Variants in PCDHGA7 observed in about 807,000 individuals in gnomAD.
The protein encoded by PCDHGA7 is protocadherin gamma-A7.
A neutral mutation model predicts 58.3 loss-of-function variants in PCDHGA7; 44 were observed. That is an observed-to-expected ratio of 0.75 (90% CI 0.59 to 0.97). The LOEUF (loss-of-function observed/expected upper bound fraction) is 0.97. Ranked by LOEUF, PCDHGA7 falls within the 50% of genes least tolerant of loss-of-function variation. The probability of loss-of-function intolerance (pLI) is 0.00; values close to 1 mark genes in which losing one functional copy is unlikely to be tolerated. For synonymous variants in PCDHGA7, 516 were observed against 504.2 expected (o/e 1.02, Z -0.31); for missense variants, 1,266 against 1,188.7 (o/e 1.06, Z -0.96).
chr5:141,404,705 G>A, intron 1 of PCDHGA7: 2 of 1,614,108 alleles, frequency 1.2e-6, no homozygotes, highest in South Asian at 2.2e-5. Flanking sequence ...TGCAGAGCCT[G>A]GCTACCTGGT....
chr5:141,399,991 G>A (rs1226741326), intron 1 of PCDHGA7: 1 of 1,612,422 alleles, frequency 6.2e-7, no homozygotes. Context: ...CACAGGAGAG[G>A]TGCGCACAGC....
At chr5:141,467,099 C>T (rs2099136810) in intron 1 of PCDHGA7, among the ~76,000 whole-genome samples, 1 of 149,976 alleles carries the variant, frequency 6.7e-6, no homozygotes, top group Admixed American at 6.7e-5. Context: ...GTCACACAGG[C>T]TGGAGTACAA....
Position 141,383,223 on chromosome 5 carries a change from C to T in PCDHGA7, c.324C>T (p.Ile108=), listed in dbSNP as rs76873890. The T allele has an allele frequency of 1.7e-3, 2,674 of 1,613,922 alleles. 41 individuals are homozygous for T. In the African/African-American group the frequency reaches 0.031, roughly 19 times the overall value. Reference sequence around the variant, plus strand: ...CGCGGTGTCTGGTAAACTTTAACATCCTGATGGAAGATAAAATGAATCTTT... The same window carrying T: ...CGCGGTGTCTGGTAAACTTTAACATTCTGATGGAAGATAAAATGAATCTTT... ...QSARCLVNFN[I]LMEDKMNLYP... is the part of the protein sequence containing the mutation. The change falls in exon 1 of 4, where the codon ATC becomes ATT. Residue 108 remains isoleucine, a synonymous_variant. Transcript: ENST00000518325.
Position 141,486,177 on chromosome 5 carries a change from G to A in PCDHGA7, c.2425-8630G>A. The A allele has an allele frequency of 6.2e-7, 1 of 1,614,222 alleles. No individual in the cohort carries two copies. Among genetic ancestry groups the A allele is most frequent in the Non-Finnish European group, 8.5e-7 (1 of 1,180,042 alleles). ...TCTCCAGCCATGGAGCAACATTGCA[G>A]CCTTCGAGTGGATCTGCTGGACGTA... On this transcript the variant is annotated intron_variant, in intron 1 of 3. Coordinates refer to ENST00000518325, the MANE Select transcript of PCDHGA7 (RefSeq NM_018920.4). The surrounding 1 kb of genome is among the most constrained non-coding windows in gnomAD (Gnocchi z 5.0).
chr5:141,388,469 A>G, intron 1 of PCDHGA7: 11 of 1,613,858 alleles, frequency 6.8e-6, no homozygotes, highest in Non-Finnish European at 8.5e-6. Context: ...CTGAGATGGT[A>G]TTGAAGACAC....
intron 1 of PCDHGA7, among the ~76,000 whole-genome samples, chr5:141,468,791 G>A (rs941787269): frequency 2.6e-5 from 4 of 151,954 alleles, no homozygotes; most frequent in East Asian, 3.9e-4. Context: ...GCGTGAACCC[G>A]GGAGGCGGAA....
intron 1 of PCDHGA7, chr5:141,423,465 G>T: frequency 6.2e-7 from 1 of 1,614,006 alleles, no homozygotes; most frequent in South Asian, 1.1e-5. Context: ...GCGTGGACGG[G>T]GTACAGGCTT....
chr5:141,400,743 C>G (rs1404866842), intron 1 of PCDHGA7: 1 of 611,332 alleles, frequency 1.6e-6, no homozygotes, highest in Non-Finnish European at 2.8e-6. Flanking sequence ...AGAGTTTGCT[C>G]TTAGCTTCCT....
chr5:141,393,851 A>T (rs758721118), intron 1 of PCDHGA7: 2 of 1,613,988 alleles, frequency 1.2e-6, no homozygotes, highest in Non-Finnish European at 1.7e-6. Context: ...ATAGACCAGA[A>T]GTGATCATTA....
intron 1 of PCDHGA7, chr5:141,388,709 C>T (rs370023698): frequency 1.9e-6 from 3 of 1,613,820 alleles, no homozygotes; most frequent in Admixed American, 3.3e-5. Context: ...GTGTCAATGC[C>T]GAGATTACTT....
intron 1 of PCDHGA7, among the ~76,000 whole-genome samples, chr5:141,469,340 G>A (rs1412181099): frequency 6.6e-6 from 1 of 152,138 alleles, no homozygotes; most frequent in Non-Finnish European, 1.5e-5. Context: ...ACTTTGGGAG[G>A]CTGAGGTGGA....
At chr5:141,495,270 G>A (rs1428903664) in intron 2 of PCDHGA7, among the ~76,000 whole-genome samples, 1 of 152,178 alleles carries the variant, frequency 6.6e-6, no homozygotes, top group African/African-American at 2.4e-5. Context: ...GCATTTGACC[G>A]GAGGAGGCGG....
intron 1 of PCDHGA7, chr5:141,414,115 G>A: frequency 6.3e-7 from 1 of 1,591,952 alleles, no homozygotes; most frequent in Middle Eastern, 1.7e-4. Flanking sequence ...TCTAGATTAT[G>A]AAGAAACCGG....
Position 141,477,779 on chromosome 5 carries a change from A to G in PCDHGA7, c.2425-17028A>G, listed in dbSNP as rs781567883. ...CCTAGCCACCAACATCAGCGTGAAC[A>G]TATTTGTCACTGATCGCAATGACAA... On this transcript the variant is annotated intron_variant, in intron 1 of 3. Coordinates refer to ENST00000518325, the MANE Select transcript of PCDHGA7 (RefSeq NM_018920.4). This position sits in a 1 kb window ranked among gnomAD's most constrained non-coding sequence, Gnocchi z 4.9. 5.6e-6 allele frequency: 9 copies of G among 1,613,894 alleles called. No homozygotes were observed. Among genetic ancestry groups the G allele is most frequent in the South Asian group, 5.5e-5 (5 of 91,084 alleles).
In PCDHGA7 at chr5:141,383,319, A is replaced by T; in HGVS notation, c.420A>T (p.Val140=). 2 of 1,614,020 alleles carry T rather than the reference A, an allele frequency of 1.2e-6. No individual in the cohort carries two copies. Among genetic ancestry groups the T allele is most frequent in the Non-Finnish European group, 1.7e-6 (2 of 1,179,898 alleles). ...VPRFLTEEIN[V]KIMENTAPGV... The stretch of plus-strand genomic sequence containing the variant: ...GATTCTTGACGGAAGAAATAAATGT[A>T]AAAATAATGGAGAATACAGCTCCTG... Residue 140 remains valine, a synonymous_variant, in exon 1 of 4, where the codon GTA becomes GTT. Transcript: ENST00000518325.
At chr5:141,408,847 G>A in intron 1 of PCDHGA7, 1 of 1,613,498 alleles carries the variant, frequency 6.2e-7, no homozygotes, top group African/African-American at 1.3e-5. Flanking sequence ...TGACTGCCTT[G>A]GACGGAGGGG....
chr5:141,390,478 ATTTG>A (rs2092157792), intron 1 of PCDHGA7: 1 of 678,524 alleles, frequency 1.5e-6, no homozygotes, highest in Admixed American at 3.1e-5. Flanking sequence ...GTGGCCCAAC[ATTTG>A]TTTGTTTTTT....
At chr5:141,409,063 C>A (rs988950366) in intron 1 of PCDHGA7, 2 of 1,613,860 alleles carry the variant, frequency 1.2e-6, no homozygotes, top group African/African-American at 2.7e-5. Flanking sequence ...CTGCCCAGAG[C>A]ACAAAACATA....
chr5:141,433,305 C>A, intron 1 of PCDHGA7: 1 of 931,030 alleles, frequency 1.1e-6, no homozygotes, highest in Non-Finnish European at 1.6e-6. Context: ...GCAATTATCC[C>A]ACCTTTGCCT....
Sources: allele counts gnomAD v4.1 joint callset (sites outside exome capture counted in the v4.1 genomes callset), GRCh38; gene constraint gnomAD v4.1.1; non-coding constraint Gnocchi (gnomAD v3.1); transcripts MANE v1.5; gene names NCBI Gene and HGNC (gene_info 2026-07-23, HGNC 2026-07-21).